MEMO1: variants seen among roughly 807,000 people sequenced by gnomAD.
MEMO1 encodes mediator of cell motility 1.
In MEMO1, 6 loss-of-function variants were observed where a neutral mutation model predicts 45.2. The observed-to-expected ratio is 0.13, with a 90% CI of 0.07 to 0.26. The LOEUF (loss-of-function observed/expected upper bound fraction) is 0.26, where lower values mean the gene tolerates loss of function less well. Among genes scored for constraint, MEMO1 ranks in the 10% least tolerant of loss-of-function variants. The probability of loss-of-function intolerance (pLI) is 1.00; values close to 1 mark genes in which losing one functional copy is unlikely to be tolerated. For synonymous variants in MEMO1, 78 were observed against 124.3 expected (o/e 0.63, Z 2.48); for missense variants, 184 against 370.5 (o/e 0.50, Z 4.13).
At chr2:31,917,541 C>A (rs930862051) in intron 6 of MEMO1, among the ~76,000 whole-genome samples, 1 of 152,054 alleles carries the variant, frequency 6.6e-6, no homozygotes, top group Non-Finnish European at 1.5e-5. Context: ...AAATAAATGA[C>A]CTCCAACATT....
At chr2:32,006,678 G>A (rs540534846) in intron 2 of MEMO1, among the ~76,000 whole-genome samples, 3 of 151,986 alleles carry the variant, frequency 2.0e-5, no homozygotes, top group Admixed American at 6.6e-5. Context: ...ATAAAGAAGT[G>A]AGAATGGGCT....
At chr2:31,936,820 C>T (rs774830372) in intron 3 of MEMO1, among the ~76,000 whole-genome samples, 2 of 152,168 alleles carry the variant, frequency 1.3e-5, no homozygotes, top group Non-Finnish European at 2.9e-5. Flanking sequence ...TAAAGGAATA[C>T]TTAACTAAGA....
At chr2:31,888,386 G>T (rs942821734) in intron 7 of MEMO1, among the ~76,000 whole-genome samples, 3 of 152,070 alleles carry the variant, frequency 2.0e-5, no homozygotes, top group African/African-American at 7.2e-5. Context: ...GTTAATGAAA[G>T]CTGCCAACAA....
At chr2:31,976,508 G>A (rs1488921477) in intron 2 of MEMO1, among the ~76,000 whole-genome samples, 1 of 151,902 alleles carries the variant, frequency 6.6e-6, no homozygotes, top group South Asian at 2.1e-4. Flanking sequence ...AACCTGGGAG[G>A]CAGAGGTTGC....
At chr2:31,970,601 G>A (rs1167533374) in intron 2 of MEMO1, among the ~76,000 whole-genome samples, 19 of 150,032 alleles carry the variant, frequency 1.3e-4, no homozygotes, top group African/African-American at 3.4e-4. Flanking sequence ...TCATTGACAC[G>A]CAAAATGCAC....
chr2:31,948,991 A>G (rs1666498474), intron 2 of MEMO1, among the ~76,000 whole-genome samples: 1 of 152,230 alleles, frequency 6.6e-6, no homozygotes, highest in Non-Finnish European at 1.5e-5. Context: ...ATACAATGGC[A>G]AACAGGCATA....
intron 2 of MEMO1, among the ~76,000 whole-genome samples, chr2:32,006,362 C>T (rs1411950292): frequency 6.6e-6 from 1 of 152,178 alleles, no homozygotes; most frequent in African/African-American, 2.4e-5. Context: ...GGTAGCAAAT[C>T]TGGAGAAAAC....
chr2:31,911,964 G>A (rs1362447999), intron 6 of MEMO1, among the ~76,000 whole-genome samples: 1 of 152,078 alleles, frequency 6.6e-6, no homozygotes, highest in Non-Finnish European at 1.5e-5. Context: ...AATTTTGGAA[G>A]ATACTAATTT....
intron 7 of MEMO1, among the ~76,000 whole-genome samples, chr2:31,888,743 T>A (rs917993364): frequency 6.6e-6 from 1 of 152,054 alleles, no homozygotes; most frequent in African/African-American, 2.4e-5. Flanking sequence ...CATTTCTATA[T>A]GTACAAGACT....
intron 2 of MEMO1, among the ~76,000 whole-genome samples, chr2:31,988,066 G>A (rs1410094884): frequency 6.6e-6 from 1 of 152,122 alleles, no homozygotes; most frequent in Non-Finnish European, 1.5e-5. Flanking sequence ...TGATAACCAA[G>A]ATTAAGTTGG....
At chr2:31,966,950 TA>T (rs1668695311) in intron 2 of MEMO1, among the ~76,000 whole-genome samples, 2 of 152,214 alleles carry the variant, frequency 1.3e-5, no homozygotes, top group South Asian at 2.1e-4. Flanking sequence ...TTTTATAATT[TA>T]AAAAAGCTTT....
At position 31,877,625 on chromosome 2, in the gene MEMO1, C is replaced by T. The variant is rs960334205; in HGVS notation, c.657+5761G>A. 2.0e-5 allele frequency among the ~76,000 whole-genome samples: 3 copies of T among 152,240 alleles called. No homozygotes were observed. In the South Asian group the frequency reaches 6.2e-4, roughly 32 times the overall value. On this transcript the variant is annotated intron_variant, in intron 8 of 9. Transcript: ENST00000404530. The stretch of plus-strand genomic sequence containing the variant: ...TTACAAGTTTACTAAGAATTGTTCA[C>T]CATTTTGGAAAATCAAGTCACTAGC...
chr2:31,934,689 G>C (rs555574217), intron 3 of MEMO1, among the ~76,000 whole-genome samples: 2 of 152,290 alleles, frequency 1.3e-5, no homozygotes, highest in East Asian at 3.9e-4. Context: ...TAAGGGAATA[G>C]GGGCTTGATA....
At chr2:32,006,691 G>C (rs1180579159) in intron 2 of MEMO1, among the ~76,000 whole-genome samples, 1 of 152,126 alleles carries the variant, frequency 6.6e-6, no homozygotes. Flanking sequence ...AATGGGCTGG[G>C]TGTGGTGGCT....
At chr2:31,933,349 ATTTAT>A (rs1253681881) in intron 3 of MEMO1, among the ~76,000 whole-genome samples, 1,651 of 19,108 alleles carry the variant, frequency 0.086, 116 homozygotes, top group Non-Finnish European at 0.1. Flanking sequence ...AAAAAAAAAA[ATTTAT>A]ATATATATAT....
At chr2:31,947,586 A>G (rs1666337464) in intron 2 of MEMO1, among the ~76,000 whole-genome samples, 1 of 152,166 alleles carries the variant, frequency 6.6e-6, no homozygotes, top group African/African-American at 2.4e-5. Context: ...AAACTACTTA[A>G]TGTTTGTGTG....
At chr2:31,871,090 T>C (rs926150908) in intron 8 of MEMO1, among the ~76,000 whole-genome samples, 2 of 152,240 alleles carry the variant, frequency 1.3e-5, no homozygotes, top group African/African-American at 2.4e-5. Context: ...AACTCATTAA[T>C]ATAGAGCAAC....
chr2:31,975,807 T>G (rs1323344752), intron 2 of MEMO1, among the ~76,000 whole-genome samples: 4 of 152,216 alleles, frequency 2.6e-5, no homozygotes, highest in African/African-American at 9.6e-5. Context: ...GGACTGTACA[T>G]ACAAATCACT....
rs3769609 is a variant in MEMO1, at chr2:31,929,457, T to C, written c.212+2610A>G. ...AATGTCTCATAAACATTAAGACATA[T>C]TGTGTTCCAAATTAGCTGTGGCTTG... is the stretch of plus-strand genomic sequence containing the variant. On this transcript the variant is annotated intron_variant, in intron 4 of 9. Coordinates refer to ENST00000404530, the MANE Select transcript of MEMO1 (RefSeq NM_001301833.4). Among the ~76,000 whole-genome samples, 1,083 of 152,326 alleles carry C rather than the reference T, an allele frequency of 7.1e-3. 13 individuals are homozygous for C. The highest frequency in any genetic ancestry group is 0.023 in the East Asian group (120 of 5,192).
Sources: allele counts gnomAD v4.1 joint callset (sites outside exome capture counted in the v4.1 genomes callset), GRCh38; gene constraint gnomAD v4.1.1; transcripts MANE v1.5; gene names NCBI Gene and HGNC (gene_info 2026-07-23, HGNC 2026-07-21).